JARID2: variants seen among roughly 807,000 people sequenced by gnomAD.
The protein encoded by JARID2 is protein Jumonji.
Under a neutral mutation model 125.6 loss-of-function variants are expected in JARID2, and 21 were observed. The ratio of observed to expected loss-of-function variants is 0.17; its 90% CI spans 0.12 to 0.24. JARID2 has a LOEUF of 0.24. JARID2 is among the 10% of genes least tolerant of loss of function. JARID2 has a pLI of 1.00. For missense variants in JARID2, 1,303 were observed against 1,639.6 expected, an observed-to-expected ratio of 0.79 and a Z score of 3.55; for synonymous variants, 736 against 661.6, an observed-to-expected ratio of 1.11 and a Z score of -1.73.
At chr6:15,438,908 T>A (rs1457899781) in intron 3 of JARID2, among the ~76,000 whole-genome samples, 1 of 152,064 alleles carries the variant, frequency 6.6e-6, no homozygotes, top group Non-Finnish European at 1.5e-5. Flanking sequence ...GTTGGGTACC[T>A]GTAATTCCAG....
intron 1 of JARID2, among the ~76,000 whole-genome samples, chr6:15,364,747 C>G (rs1361759368): frequency 6.6e-6 from 1 of 152,156 alleles, no homozygotes; most frequent in Admixed American, 6.5e-5. Context: ...CAATTGAAAC[C>G]CTATCCAATT....
At chr6:15,247,887 GT>G (rs1759244589) in intron 1 of JARID2, 3 of 985,300 alleles carry the variant, frequency 3.0e-6, no homozygotes, top group Non-Finnish European at 2.4e-6. Context: ...CAAAGGACTA[GT>G]TTAAACTCGG....
intron 1 of JARID2, among the ~76,000 whole-genome samples, chr6:15,266,126 TTTG>T (rs1373327395): frequency 6.6e-6 from 1 of 152,138 alleles, no homozygotes; most frequent in Non-Finnish European, 1.5e-5. Context: ...CCTGGAGACA[TTTG>T]TGTCTTCCCA....
intron 5 of JARID2, among the ~76,000 whole-genome samples, chr6:15,471,695 A>C (rs1769085147): frequency 6.6e-6 from 1 of 152,166 alleles, no homozygotes; most frequent in African/African-American, 2.4e-5. Context: ...TCATGGATTC[A>C]GTTTTTAATG....
At chr6:15,328,620 G>A (rs572829915) in intron 1 of JARID2, among the ~76,000 whole-genome samples, 2 of 152,024 alleles carry the variant, frequency 1.3e-5, no homozygotes, top group South Asian at 4.2e-4. Context: ...AGGTTGCCCA[G>A]TGTAATATAG....
chr6:15,347,690 G>C (rs554513894), intron 1 of JARID2, among the ~76,000 whole-genome samples: 58 of 152,232 alleles, frequency 3.8e-4, no homozygotes, highest in African/African-American at 1.3e-3. Context: ...GGTGGTGATG[G>C]CTCAAAAATC....
At chr6:15,415,287 A>G (rs1015090166) in intron 3 of JARID2, among the ~76,000 whole-genome samples, 2 of 152,178 alleles carry the variant, frequency 1.3e-5, no homozygotes, top group Non-Finnish European at 2.9e-5. Context: ...TATTCCACAA[A>G]ACCGCCATTG....
At chr6:15,436,297 G>C (rs1561861577) in intron 3 of JARID2, among the ~76,000 whole-genome samples, 1 of 152,182 alleles carries the variant, frequency 6.6e-6, no homozygotes, top group Non-Finnish European at 1.5e-5. Context: ...TCAGCAGATG[G>C]GAGAGCCAGA....
At chr6:15,359,588 G>C (rs1397896579) in intron 1 of JARID2, among the ~76,000 whole-genome samples, 3 of 152,104 alleles carry the variant, frequency 2.0e-5, no homozygotes, top group Non-Finnish European at 2.9e-5. Context: ...GAAAGCCTAA[G>C]TATAAATAAG....
chr6:15,520,554 ATTTT>A lies in JARID2; in HGVS notation c.*313_*316del. 4.0e-6 allele frequency: 1 copy of A among 249,072 alleles called. No homozygotes were observed. Among genetic ancestry groups the A allele is most frequent in the South Asian group, 4.3e-5 (1 of 23,330 alleles). 15.4% of individuals were successfully genotyped at this position (249,072 alleles called of 1,614,324 possible). A position where few individuals can be genotyped will look rare whatever the true frequency, so the allele number is the denominator to read the frequency against. On this transcript the variant is annotated 3_prime_UTR_variant, in exon 18 of 18. Transcript: ENST00000341776. ...ACAAAAGCCTTTTTTTTTGGTTTTG[ATTTT>A]TTTTTTTTTGTAACTGTTGGGGGGA...
intron 1 of JARID2, among the ~76,000 whole-genome samples, chr6:15,343,858 G>T (rs1003635998): frequency 6.6e-6 from 1 of 152,150 alleles, no homozygotes; most frequent in African/African-American, 2.4e-5. Context: ...AATAACTTCG[G>T]TGCCCTGGAC....
chr6:15,428,940 C>G (rs11965011), intron 3 of JARID2, among the ~76,000 whole-genome samples: 1 of 116,864 alleles, frequency 8.6e-6, no homozygotes, highest in African/African-American at 3.0e-5. Context: ...ACCCCCCCCC[C>G]AAAAAAAAAA....
intron 1 of JARID2, among the ~76,000 whole-genome samples, chr6:15,330,173 CTGTTCCCCAGG>C (rs1187660484): frequency 1.3e-5 from 2 of 152,244 alleles, no homozygotes; most frequent in Non-Finnish European, 2.9e-5. Flanking sequence ...ACTATAGGGG[CTGTTCCCCAGG>C]TTATTCACAA....
chr6:15,423,987 G>T (rs1766613530), intron 3 of JARID2, among the ~76,000 whole-genome samples: 1 of 152,098 alleles, frequency 6.6e-6, no homozygotes, highest in African/African-American at 2.4e-5. Flanking sequence ...TTCTCTAGTG[G>T]TCAGGCTTCA....
At chr6:15,393,270 A>C (rs1164799323) in intron 2 of JARID2, among the ~76,000 whole-genome samples, 1 of 152,260 alleles carries the variant, frequency 6.6e-6, no homozygotes, top group East Asian at 1.9e-4. Context: ...ATGTTTGCCC[A>C]TGGTATCTGT....
chr6:15,504,423 A>G (rs1770896008), intron 8 of JARID2, 77 bp from the exon 9 acceptor site: 1 of 1,069,592 alleles, frequency 9.3e-7, no homozygotes, highest in Non-Finnish European at 1.5e-6. Flanking sequence ...GCAGCGGCCC[A>G]TGACAGGTGT....
chr6:15,512,443 C>T (rs1009202434), intron 14 of JARID2, 53 bp downstream of exon 14: 51 of 1,528,812 alleles, frequency 3.3e-5, no homozygotes, highest in Admixed American at 1.2e-4. Context: ...CTGTGAGTGC[C>T]GTGCGTGAGC....
intron 12 of JARID2, among the ~76,000 whole-genome samples, chr6:15,510,790 C>G (rs1201192532): frequency 2.6e-5 from 4 of 152,046 alleles, no homozygotes; most frequent in African/African-American, 7.3e-5. Flanking sequence ...GCTCCTTCCC[C>G]AACTCTCTGT....
At chr6:15,430,280 G>A (rs1019961345) in intron 3 of JARID2, among the ~76,000 whole-genome samples, 3 of 152,092 alleles carry the variant, frequency 2.0e-5, no homozygotes, top group African/African-American at 7.2e-5. Context: ...GACAATTTCT[G>A]TGACATTAAA....
Sources: gnomAD v4.1 joint callset for allele counts (sites outside exome capture counted in the v4.1 genomes callset) on GRCh38, gnomAD v4.1.1 for gene constraint, MANE v1.5 for transcripts, NCBI Gene and HGNC (gene_info 2026-07-23, HGNC 2026-07-21) for gene names.